The following NKTR variants were observed in gnomAD, a reference collection of about 807,000 sequenced individuals.
The protein encoded by NKTR is NK-tumor recognition protein.
A neutral mutation model predicts 156.3 loss-of-function variants in NKTR; 67 were observed. That is an observed-to-expected ratio of 0.43 (90% CI 0.35 to 0.53). The LOEUF (loss-of-function observed/expected upper bound fraction) is 0.53. Ranked by LOEUF, NKTR falls within the 20% of genes least tolerant of loss-of-function variation. NKTR has a pLI of 0.01. For synonymous variants in NKTR, 640 were observed against 596.6 expected, an observed-to-expected ratio of 1.07 and a Z score of -1.06; for missense variants, 1,604 against 1,730.9, an observed-to-expected ratio of 0.93 and a Z score of 1.30.
chr3:42,603,360 T>TAAA (rs376932471), intron 2 of NKTR, among the ~76,000 whole-genome samples: 90 of 92,650 alleles, frequency 9.7e-4, no homozygotes, highest in African/African-American at 2.3e-3. Flanking sequence ...ATCTTGTTTC[T>TAAA]AAAAAAAAAA....
At chr3:42,642,463 AAC>A (rs746869113) in intron 13 of NKTR, 36 bp from the exon 14 acceptor site, 1 of 1,460,966 alleles carries the variant, frequency 6.8e-7, no homozygotes, top group Non-Finnish European at 9.6e-7. Context: ...ATGATGAGTC[AAC>A]ATAATTATAT....
At chr3:42,627,399 A>G in intron 6 of NKTR, 2 of 985,326 alleles carry the variant, frequency 2.0e-6, no homozygotes, top group Non-Finnish European at 1.2e-6. Flanking sequence ...CCTGGGAACT[A>G]TATTTTAACT....
chr3:42,639,851 T>C lies in NKTR; in HGVS notation c.4046+101T>C, dbSNP rs1209333314. The C allele has an allele frequency of 5.7e-6, 5 of 871,358 alleles. No individual in the cohort carries two copies. In the East Asian group the frequency reaches 7.3e-5, roughly 13 times the overall value. 54.0% of individuals were successfully genotyped at this position (871,358 alleles called of 1,614,324 possible). A position where few individuals can be genotyped will look rare whatever the true frequency, so the allele number is the denominator to read the frequency against. ...GGGACAGAATCACTATTTCCAAATA[T>C]CTGAAAGGAATAAGAAGTCTTGTTT... On this transcript the variant is annotated intron_variant, in intron 13 of 16. Coordinates refer to ENST00000232978, the MANE Select transcript of NKTR (RefSeq NM_005385.4).
Position 42,617,653 on chromosome 3 carries a change from A to G in NKTR, c.133+9A>G, listed in dbSNP as rs758301082. Reference sequence around the variant, plus strand: ...CCTTTGCTTGTGCTCAGGTAAGTGAATTATTATTTCCAATGAGAAGCTGTG... The same window carrying G: ...CCTTTGCTTGTGCTCAGGTAAGTGAGTTATTATTTCCAATGAGAAGCTGTG... On this transcript the variant is annotated intron_variant, in intron 3 of 16. Coordinates refer to ENST00000232978, the MANE Select transcript of NKTR (RefSeq NM_005385.4). 2 of 1,488,022 alleles carry G rather than the reference A, an allele frequency of 1.3e-6. No individual in the cohort carries two copies. The highest frequency in any genetic ancestry group is 1.4e-5 in the African/African-American group (1 of 72,350). The allele number at this position is 1,488,022 out of a possible 1,614,324, so 92.2% of individuals were successfully genotyped here.
At chr3:42,632,205 G>A (rs1480048353) in intron 8 of NKTR, among the ~76,000 whole-genome samples, 2 of 151,538 alleles carry the variant, frequency 1.3e-5, no homozygotes, top group African/African-American at 4.9e-5. Context: ...GAGTAGCTGG[G>A]ATTATAGGGA....
Position 42,639,306 on chromosome 3 carries a change from T to C in NKTR, c.3602T>C (p.Leu1201Ser). The C allele has an allele frequency of 1.9e-6, 3 of 1,614,110 alleles. No homozygotes were observed. Among genetic ancestry groups the C allele is most frequent in the Non-Finnish European group, 2.5e-6 (3 of 1,179,994 alleles). Residue 1201 changes from leucine to serine, a missense_variant, in exon 13 of 17, where the codon TTG becomes TCG. Physicochemically the swap from Leu to Ser is moderately radical, Grantham distance 145. This residue lies in a region of NKTR where 1,255 missense variants were observed against 1,243.7 expected (regional missense o/e 1.01). Coordinates refer to ENST00000232978, the MANE Select transcript of NKTR (RefSeq NM_005385.4). ...AAACAGGACAGCAGCTCTGCTAGCT[T>C]GGCTAGTGCTGGAGAAAGTACCGGG... is the stretch of plus-strand genomic sequence containing the variant. ...VGKQDSSSAS[L>S]ASAGESTGKK... is the part of the protein sequence containing the mutation.
Position 42,639,360 on chromosome 3 carries a change from T to C in NKTR, c.3656T>C (p.Ile1219Thr), listed in dbSNP as rs1237243127. The C allele has an allele frequency of 1.2e-6, 2 of 1,613,940 alleles. No homozygotes were observed. Among genetic ancestry groups the C allele is most frequent in the East Asian group, 2.2e-5 (1 of 44,884 alleles). ...AAGGAGGTGGCTGAGAAGAGCCAGATCAACCTCATTGATAAGAAATGGAAG... is the reference window on the plus strand; with the variant it reads ...AAGGAGGTGGCTGAGAAGAGCCAGACCAACCTCATTGATAAGAAATGGAAG... Reference protein sequence around the residue: ...GKKEVAEKSQINLIDKKWKPL... With the variant: ...GKKEVAEKSQTNLIDKKWKPL... The change falls in exon 13 of 17, where the codon ATC becomes ACC. Residue 1219 changes from isoleucine to threonine, a missense_variant. Ile to Thr is a moderately conservative substitution (Grantham distance 89). Transcript: ENST00000232978.
chr3:42,620,150 G>C, intron 5 of NKTR: 1 of 1,394,276 alleles, frequency 7.2e-7, no homozygotes, highest in Non-Finnish European at 9.3e-7. Context: ...TTTCTATATT[G>C]CTTGAAGACT....
chr3:42,628,504 A>G (rs1042644082), intron 6 of NKTR: 28 of 985,436 alleles, frequency 2.8e-5, no homozygotes, highest in South Asian at 4.7e-5. Flanking sequence ...CAGCCTTTCT[A>G]TCAGCCAAGA....
chr3:42,618,591 T>A (rs1707619423), intron 3 of NKTR, among the ~76,000 whole-genome samples: 1 of 151,772 alleles, frequency 6.6e-6, no homozygotes, highest in African/African-American at 2.4e-5. Context: ...ACTACAGGCC[T>A]GTGCCACCAC....
chr3:42,626,114 C>T (rs1197347641), intron 6 of NKTR, among the ~76,000 whole-genome samples: 1 of 151,666 alleles, frequency 6.6e-6, no homozygotes, highest in Non-Finnish European at 1.5e-5. Flanking sequence ...CTAAAGTGGA[C>T]AGAAGTTATC....
At chr3:42,627,163 C>A in intron 6 of NKTR, 2 of 924,124 alleles carry the variant, frequency 2.2e-6, no homozygotes, top group Non-Finnish European at 2.6e-6. Context: ...AAGTGTATTA[C>A]AATTTATTTC....
In NKTR at chr3:42,621,460, G is replaced by A. The variant is rs775276355; in HGVS notation, c.318G>A (p.Ala106=). 1.3e-5 allele frequency: 21 copies of A among 1,609,650 alleles called. No individual in the cohort carries two copies. Among genetic ancestry groups the A allele is most frequent in the Middle Eastern group, 3.3e-4 (2 of 6,048 alleles). The change falls in exon 6 of 17, where the codon GCG becomes GCA. Residue 106 remains alanine (A), a synonymous_variant. Coordinates refer to ENST00000232978, the MANE Select transcript of NKTR (RefSeq NM_005385.4). ...DENFILKHDR[A]FLLSMANRGK... Reference sequence around the variant, plus strand: ...ACTTTATTCTCAAACATGACAGAGCGTTCCTTTTATCAATGGCAAATCGAG... The same window carrying A: ...ACTTTATTCTCAAACATGACAGAGCATTCCTTTTATCAATGGCAAATCGAG...
intron 12 of NKTR, 134 bp from the exon 13 acceptor site, chr3:42,636,734 A>G (rs1709448178): frequency 1.6e-6 from 2 of 1,267,984 alleles, no homozygotes. Context: ...CCAGGCCTAT[A>G]ACTCTGATTC....
chr3:42,641,349 A>G (rs553523980), intron 13 of NKTR, among the ~76,000 whole-genome samples: 5 of 152,220 alleles, frequency 3.3e-5, no homozygotes. Context: ...AACATAGTGC[A>G]TACTGAATAA....
At chr3:42,644,063 T>G in intron 16 of NKTR, 60 bp downstream of exon 16, 1 of 1,065,516 alleles carries the variant, frequency 9.4e-7, no homozygotes, top group Admixed American at 2.0e-5. Context: ...GCACTTGATG[T>G]GGGAGGGTGA....
intron 2 of NKTR, among the ~76,000 whole-genome samples, chr3:42,614,497 A>G (rs1362232330): frequency 6.6e-6 from 1 of 151,906 alleles, no homozygotes; most frequent in Non-Finnish European, 1.5e-5. Flanking sequence ...GAATAGAAGT[A>G]TCATCACATG....
At chr3:42,627,463 T>G (rs1577512086) in intron 6 of NKTR, 1 of 985,196 alleles carries the variant, frequency 1.0e-6, no homozygotes, top group Non-Finnish European at 1.2e-6. Context: ...GGGAGTGGGG[T>G]TATTAGTTTA....
intron 6 of NKTR, chr3:42,627,528 C>CA: frequency 1.0e-6 from 1 of 984,890 alleles, no homozygotes; most frequent in Non-Finnish European, 1.2e-6. Flanking sequence ...TGTATAAGGG[C>CA]AAAAGGTTCT....
Sources: allele counts gnomAD v4.1 joint callset (sites outside exome capture counted in the v4.1 genomes callset), GRCh38; gene constraint gnomAD v4.1.1; regional missense constraint gnomAD v4.1.1; transcripts MANE v1.5; gene names NCBI Gene and HGNC (gene_info 2026-07-23, HGNC 2026-07-21).